Variants in BAZ2B observed in about 807,000 individuals in gnomAD.
The protein encoded by BAZ2B is bromodomain adjacent to zinc finger domain 2B, also known as bromodomain adjacent to zinc finger domain protein 2B.
Under a neutral mutation model 246.0 loss-of-function variants are expected in BAZ2B, and 91 were observed. The ratio of observed to expected loss-of-function variants is 0.37; its 90% CI spans 0.31 to 0.44. The LOEUF is 0.44. Among genes scored for constraint, BAZ2B ranks in the 20% least tolerant of loss-of-function variants. The pLI, the probability that BAZ2B is intolerant of heterozygous loss-of-function variation, is 1.00. For missense variants in BAZ2B, 2,332 were observed against 2,533.7 expected, an observed-to-expected ratio of 0.92 and a Z score of 1.71; for synonymous variants, 855 against 860.0, an observed-to-expected ratio of 0.99 and a Z score of 0.10.
chr2:159,578,602 C>A (rs560278075), intron 1 of BAZ2B, among the ~76,000 whole-genome samples: 50 of 152,268 alleles, frequency 3.3e-4, no homozygotes, highest in Middle Eastern at 6.8e-3. Context: ...AACTCTCCAC[C>A]CCAAATCAAC....
At chr2:159,374,877 A>C (rs1036264663) in intron 25 of BAZ2B, 124 bp from the exon 26 acceptor site, 1 of 763,656 alleles carries the variant, frequency 1.3e-6, no homozygotes, top group Admixed American at 2.4e-5. Context: ...TCTTTTCTAT[A>C]AACTAATAAT....
the BAZ2B span, among the ~76,000 whole-genome samples, chr2:159,623,371 AAAAAAAC>A: frequency 1.3e-5 from 2 of 152,202 alleles, no homozygotes; most frequent in Non-Finnish European, 2.9e-5. Context: ...CTGTCTCAGA[AAAAAAAC>A]AAAAAACAAA....
chr2:159,332,804 A>C (rs2065003220), intron 33 of BAZ2B, 118 bp from the exon 34 acceptor site: 1 of 1,166,648 alleles, frequency 8.6e-7, no homozygotes, highest in Admixed American at 2.3e-5. Context: ...GCTTGCTTAC[A>C]AATATACAGT....
chr2:159,332,103 A>C (rs770345927), intron 34 of BAZ2B, among the ~76,000 whole-genome samples: 5 of 152,178 alleles, frequency 3.3e-5, no homozygotes. Context: ...TAAGAGATTA[A>C]ACATGGGAGA....
intron 1 of BAZ2B, among the ~76,000 whole-genome samples, chr2:159,597,445 T>C (rs1690991982): frequency 6.6e-6 from 1 of 152,232 alleles, no homozygotes; most frequent in South Asian, 2.1e-4. Context: ...TCTGTGCTTA[T>C]GTTGAGTTCA....
intron 2 of BAZ2B, among the ~76,000 whole-genome samples, chr2:159,532,363 A>G (rs1215199084): frequency 6.6e-6 from 1 of 152,224 alleles, no homozygotes; most frequent in East Asian, 1.9e-4. Context: ...AAATGAAAAT[A>G]AAGTCTTACA....
At chr2:159,678,609 G>A in the BAZ2B span, among the ~76,000 whole-genome samples, 3 of 152,106 alleles carry the variant, frequency 2.0e-5, no homozygotes, top group African/African-American at 7.2e-5. Context: ...GAGGACAGCC[G>A]GGGTAGTGAG....
intron 1 of BAZ2B, among the ~76,000 whole-genome samples, chr2:159,603,070 G>A (rs1389941097): frequency 1.3e-5 from 2 of 152,220 alleles, no homozygotes; most frequent in African/African-American, 4.8e-5. Context: ...CCAGCAGGCG[G>A]AGGTTGCAAT....
intron 1 of BAZ2B, among the ~76,000 whole-genome samples, chr2:159,592,817 C>T (rs1208972159): frequency 6.6e-6 from 1 of 152,182 alleles, no homozygotes; most frequent in African/African-American, 2.4e-5. Context: ...AACCACCTAA[C>T]TAAGCCACTA....
intron 13 of BAZ2B, among the ~76,000 whole-genome samples, chr2:159,422,780 A>C (rs2150068034): frequency 6.6e-6 from 1 of 152,294 alleles, no homozygotes; most frequent in Middle Eastern, 3.4e-3. Flanking sequence ...GACAACCTAC[A>C]GAATGGGAGC....
chr2:159,539,107 C>T (rs908785339), intron 2 of BAZ2B, among the ~76,000 whole-genome samples: 3 of 152,120 alleles, frequency 2.0e-5, no homozygotes, highest in Non-Finnish European at 4.4e-5. Flanking sequence ...CTTTCCCACC[C>T]ATAAGGATCA....
chr2:159,630,786 G>A, the BAZ2B span, among the ~76,000 whole-genome samples: 52 of 151,828 alleles, frequency 3.4e-4, no homozygotes, highest in Non-Finnish European at 6.8e-4. Flanking sequence ...CGCCCGCCTC[G>A]GCCTCCCAAA....
At chr2:159,415,151 G>A (rs150743592) in intron 13 of BAZ2B, among the ~76,000 whole-genome samples, 215 of 152,026 alleles carry the variant, frequency 1.4e-3, no homozygotes, top group African/African-American at 5.1e-3. Context: ...CCAACACAAT[G>A]CTAGTGTATC....
chr2:159,562,020 TG>T (rs1325276257), intron 1 of BAZ2B, among the ~76,000 whole-genome samples: 2 of 152,230 alleles, frequency 1.3e-5, no homozygotes, highest in African/African-American at 4.8e-5. Flanking sequence ...TTTGGTCAGC[TG>T]GGCAGAATTG....
intron 2 of BAZ2B, among the ~76,000 whole-genome samples, chr2:159,533,953 C>A (rs984859731): frequency 6.6e-6 from 1 of 152,186 alleles, no homozygotes; most frequent in African/African-American, 2.4e-5. Context: ...TAAAACTGAA[C>A]TGTAATCTGA....
At chr2:159,584,572 T>G (rs1687614289) in intron 1 of BAZ2B, among the ~76,000 whole-genome samples, 1 of 152,200 alleles carries the variant, frequency 6.6e-6, no homozygotes, top group South Asian at 2.1e-4. Context: ...GTGGTGAGAA[T>G]TCAAATATAC....
At chr2:159,460,443 G>A (rs932509246) in intron 3 of BAZ2B, 1 of 151,970 alleles carries the variant, frequency 6.6e-6, no homozygotes, top group South Asian at 2.1e-4. Flanking sequence ...ATAACTTCAC[G>A]TTTTTCTGTG....
chr2:159,429,938 C>T (rs1204913912), intron 10 of BAZ2B, among the ~76,000 whole-genome samples: 1 of 151,980 alleles, frequency 6.6e-6, no homozygotes, highest in African/African-American at 2.4e-5. Flanking sequence ...TTTTCTTAGA[C>T]ATTGAATGAG....
the BAZ2B span, among the ~76,000 whole-genome samples, chr2:159,667,541 A>T: frequency 6.6e-6 from 1 of 151,984 alleles, no homozygotes; most frequent in African/African-American, 2.4e-5. Flanking sequence ...GGTTGCAGTG[A>T]GGTAAGATTG....
Sources: gnomAD v4.1 joint callset for allele counts (sites outside exome capture counted in the v4.1 genomes callset) on GRCh38, gnomAD v4.1.1 for gene constraint, MANE v1.5 for transcripts, NCBI Gene and HGNC (gene_info 2026-07-23, HGNC 2026-07-21) for gene names.